The following UBA5 variants were observed in gnomAD, a reference collection of about 807,000 sequenced individuals.
UBA5 encodes ubiquitin-like modifier-activating enzyme 5.
UBA5 carries 28 observed loss-of-function variants against 52.9 expected under a neutral mutation model. The ratio of observed to expected loss-of-function variants is 0.53; its 90% confidence interval spans 0.39 to 0.73. The LOEUF is 0.73. Ranked by LOEUF, UBA5 falls within the 30% of genes least tolerant of loss-of-function variation. The pLI is 0.00. For synonymous variants in UBA5, 135 were observed against 162.1 expected (o/e 0.83, Z 1.27); for missense variants, 388 against 492.7 (o/e 0.79, Z 2.01).
rs1053459457 is a variant in UBA5, at chr3:132,678,712, C to T, written c.*2186C>T. On this transcript the variant is annotated 3_prime_UTR_variant, in exon 12 of 12. Coordinates refer to ENST00000356232, the MANE Select transcript of UBA5 (RefSeq NM_024818.6). ...TTGCCCAGGCTGGAGTGCAGTGGCA[C>T]GATCTCAGCTCACCACATCCTCCGC... 5.3e-5 allele frequency among the ~76,000 whole-genome samples: 8 copies of T among 152,006 alleles called. No individual in the cohort carries two copies. Among genetic ancestry groups the T allele is most frequent in the African/African-American group, 1.9e-4 (8 of 41,400 alleles).
At position 132,676,440 on chromosome 3, in the gene UBA5, T is replaced by C; in HGVS notation, c.1132-3T>C. ...TCACTGTATTTCCCTTATTTGTCAA[T>C]AGCAAGAAGATTCTGTCACTGAGTT... On this transcript the variant is annotated splice_region_variant and splice_polypyrimidine_tract_variant and intron_variant, in intron 11 of 11. Transcript: ENST00000356232. This position sits in a 1 kb window ranked among gnomAD's most constrained non-coding sequence, Gnocchi z 4.1. 6.2e-7 allele frequency: 1 copy of C among 1,604,338 alleles called. No homozygotes were observed. The highest frequency in any genetic ancestry group is 8.5e-7 in the Non-Finnish European group (1 of 1,176,580).
rs1938081878 is a variant in UBA5 at position 132,660,371 on chromosome 3, G to A, written c.-167G>A. The A allele has an allele frequency of 3.7e-6, 3 of 820,360 alleles. No homozygotes were observed. In the South Asian group the frequency reaches 5.4e-5, roughly 15 times the overall value. The allele number at this position is 820,360 out of a possible 1,614,324, so 50.8% of individuals were successfully genotyped here. Reference sequence around the variant, plus strand: ...GAGGAAGGCCTGTGGGAGTCTCGGAGACGTGTCTGTCTGTGAGGCGCTGGG... The same window carrying A: ...GAGGAAGGCCTGTGGGAGTCTCGGAAACGTGTCTGTCTGTGAGGCGCTGGG... On this transcript the variant is annotated 5_prime_UTR_variant, in exon 1 of 12. Coordinates refer to ENST00000356232, the MANE Select transcript of UBA5 (RefSeq NM_024818.6). The surrounding 1 kb of genome is among the most constrained non-coding windows in gnomAD (Gnocchi z 4.1).
chr3:132,665,811 C>A lies in UBA5; in HGVS notation c.162-12C>A. ...ACTGTAAGCTTTAAAACATATTTTT[C>A]TTTGTTTTAAGCCGCTTGATGGCAT... is the stretch of plus-strand genomic sequence containing the variant. On this transcript the variant is annotated splice_polypyrimidine_tract_variant and intron_variant, in intron 1 of 11. Coordinates refer to ENST00000356232, the MANE Select transcript of UBA5 (RefSeq NM_024818.6). 6.2e-7 allele frequency: 1 copy of A among 1,611,550 alleles called. No homozygotes were observed. The highest frequency in any genetic ancestry group is 8.5e-7 in the Non-Finnish European group (1 of 1,178,582).
chr3:132,665,606 A>G (rs992361212), intron 1 of UBA5: 5 of 517,792 alleles, frequency 9.7e-6, no homozygotes, highest in African/African-American at 9.6e-5. Flanking sequence ...TTAAAAACCA[A>G]TCTTGTTTCA....
At chr3:132,665,782 A>G in intron 1 of UBA5, 41 bp from the exon 2 acceptor site, 1 of 1,590,690 alleles carries the variant, frequency 6.3e-7, no homozygotes, top group Non-Finnish European at 8.6e-7. Flanking sequence ...CTAATACCTA[A>G]AAGACTGTAA....
intron 1 of UBA5, among the ~76,000 whole-genome samples, chr3:132,663,989 G>C (rs1176898639): frequency 6.6e-6 from 1 of 152,118 alleles, no homozygotes; most frequent in Non-Finnish European, 1.5e-5. Context: ...CCAGAGAATA[G>C]AGCAGAAAAC....
In UBA5 at chr3:132,675,625, T is replaced by G. The variant is rs1419940932; in HGVS notation, c.969T>G (p.Pro323=). 1.4e-5 allele frequency: 23 copies of G among 1,612,840 alleles called. No homozygotes were observed. The highest frequency in any genetic ancestry group is 2.0e-5 in the Non-Finnish European group (23 of 1,179,346). ...TACAGAAAAAGGTAGCAGCACTGCC[T>G]AAACAAGAGGTTATACAAGAAGAGG... ...EEYKKKVAAL[P]KQEVIQEEEE... Residue 323 remains proline, a synonymous_variant, in exon 10 of 12, where the codon CCT becomes CCG. Coordinates refer to ENST00000356232, the MANE Select transcript of UBA5 (RefSeq NM_024818.6).
intron 1 of UBA5, 70 bp from the exon 2 acceptor site, chr3:132,665,753 T>C: frequency 1.5e-6 from 2 of 1,378,336 alleles, no homozygotes; most frequent in Non-Finnish European, 2.0e-6. Flanking sequence ...TCTGTGATGA[T>C]GTATGTCTAT....
intron 6 of UBA5, 116 bp from the exon 7 acceptor site, chr3:132,671,661 G>A (rs943956299): frequency 1.8e-5 from 14 of 770,812 alleles, no homozygotes; most frequent in African/African-American, 1.8e-4. Context: ...TGCCTCATTT[G>A]TTCTGAAAAT....
intron 3 of UBA5, chr3:132,667,845 T>A (rs933802320): frequency 1.3e-5 from 2 of 152,234 alleles, no homozygotes; most frequent in African/African-American, 2.4e-5. Context: ...GAAACTCATT[T>A]AATACTTGGC....
intron 3 of UBA5, chr3:132,667,612 A>G (rs1938431298): frequency 2.0e-5 from 3 of 152,168 alleles, no homozygotes; most frequent in Admixed American, 1.3e-4. Context: ...CCCAGAGTCC[A>G]TTTCTTATCC....
intron 1 of UBA5, among the ~76,000 whole-genome samples, chr3:132,662,747 T>C (rs1189745483): frequency 6.6e-6 from 1 of 152,156 alleles, no homozygotes; most frequent in Non-Finnish European, 1.5e-5. Flanking sequence ...TGGAGAGGCT[T>C]TGAGATTAGA....
chr3:132,660,415 T>A lies in UBA5; in HGVS notation c.-123T>A. 1 of 1,310,782 alleles carries A rather than the reference T, an allele frequency of 7.6e-7. No individual in the cohort carries two copies. The highest frequency in any genetic ancestry group is 2.2e-5 in the Admixed American group (1 of 46,200). 81.2% of individuals were successfully genotyped at this position (1,310,782 alleles called of 1,614,324 possible). A position where few individuals can be genotyped will look rare whatever the true frequency, so the allele number is the denominator to read the frequency against. On this transcript the variant is annotated 5_prime_UTR_variant, in exon 1 of 12. Coordinates refer to ENST00000356232, the MANE Select transcript of UBA5 (RefSeq NM_024818.6). The surrounding 1 kb of genome is among the most constrained non-coding windows in gnomAD (Gnocchi z 4.1). The stretch of plus-strand genomic sequence containing the variant: ...CGCTGGGTGCACGTCCCCAGGGCTC[T>A]GGGCTAGGAAGGCAGCGGCGAGGTG...
At chr3:132,669,265 T>A (rs1576645840) in intron 4 of UBA5, among the ~76,000 whole-genome samples, 1 of 152,150 alleles carries the variant, frequency 6.6e-6, no homozygotes, top group Non-Finnish European at 1.5e-5. Flanking sequence ...TTAATTTTTT[T>A]AATTAAAAAA....
intron 8 of UBA5, among the ~76,000 whole-genome samples, chr3:132,674,581 A>C (rs1938751037): frequency 6.6e-6 from 1 of 152,102 alleles, no homozygotes; most frequent in African/African-American, 2.4e-5. Flanking sequence ...AGTCGCAGCT[A>C]CTTGGGAGGC....
chr3:132,655,539 G>C (rs182792729), upstream of UBA5, among the ~76,000 whole-genome samples: 51 of 152,242 alleles, frequency 3.3e-4, no homozygotes, highest in African/African-American at 1.2e-3. Context: ...CCTCTGTCTG[G>C]AACACTCTTT....
intron 5 of UBA5, 62 bp downstream of exon 5, chr3:132,670,346 G>C: frequency 1.4e-6 from 1 of 714,826 alleles, no homozygotes; most frequent in Non-Finnish European, 2.3e-6. Context: ...AAAATTATTA[G>C]AAAAATCTAT....
rs771902887 is a variant in UBA5 at position 132,671,887 on chromosome 3, CATT to C, written c.684+10_684+12del. On this transcript the variant is annotated splice_region_variant and intron_variant, in intron 7 of 11. Coordinates refer to ENST00000356232, the MANE Select transcript of UBA5 (RefSeq NM_024818.6). ...GAGAATCTGCTTGTTTTGCGGTATG[CATT>C]ATTCTTTTTGGAATATTCTTCACTG... 106 of 1,609,956 alleles carry C rather than the reference CATT, an allele frequency of 6.6e-5. No individual in the cohort carries two copies. Among genetic ancestry groups the C allele is most frequent in the Admixed American group, 1.2e-4 (7 of 59,436 alleles).
rs141000349 is a variant in UBA5, at chr3:132,664,353, C to T, written c.162-1470C>T. Among the ~76,000 whole-genome samples, 149 of 152,212 alleles carry T rather than the reference C, an allele frequency of 9.8e-4. 1 individual carries two copies. Among genetic ancestry groups the T allele is most frequent in the Non-Finnish European group, 1.6e-3 (111 of 67,980 alleles). Reference sequence around the variant, plus strand: ...ATGTGTAGCTTCCCACAATTATATGCCCTTTGCTTTGTCATTTTTATAAAG... The same window carrying T: ...ATGTGTAGCTTCCCACAATTATATGTCCTTTGCTTTGTCATTTTTATAAAG... On this transcript the variant is annotated intron_variant, in intron 1 of 11. Coordinates refer to ENST00000356232, the MANE Select transcript of UBA5 (RefSeq NM_024818.6).
Sources: allele counts gnomAD v4.1 joint callset (sites outside exome capture counted in the v4.1 genomes callset), GRCh38; gene constraint gnomAD v4.1.1; non-coding constraint Gnocchi (gnomAD v3.1); transcripts MANE v1.5; gene names NCBI Gene and HGNC (gene_info 2026-07-23, HGNC 2026-07-21).